The following MTDH variants were observed in gnomAD, a reference collection of about 807,000 sequenced individuals.
The protein encoded by MTDH is metadherin.
Under a neutral mutation model 72.7 loss-of-function variants are expected in MTDH, and 34 were observed. The ratio of observed to expected loss-of-function variants is 0.47; its 90% CI spans 0.36 to 0.62. The LOEUF (loss-of-function observed/expected upper bound fraction) is 0.62. Among genes scored for constraint, MTDH ranks in the 20% least tolerant of loss-of-function variants. The pLI, the probability that MTDH is intolerant of heterozygous loss-of-function variation, is 0.00. For synonymous variants in MTDH, 266 were observed against 268.9 expected, an observed-to-expected ratio of 0.99 and a Z score of 0.10; for missense variants, 677 against 699.4, an observed-to-expected ratio of 0.97 and a Z score of 0.36.
intron 1 of MTDH, among the ~76,000 whole-genome samples, chr8:97,657,270 G>C (rs1206807710): frequency 6.6e-6 from 1 of 152,134 alleles, no homozygotes; most frequent in Non-Finnish European, 1.5e-5. Flanking sequence ...TCATTTTTCT[G>C]TTACTGGTTG....
chr8:97,714,007 C>T (rs943177270), intron 9 of MTDH, among the ~76,000 whole-genome samples: 1 of 152,100 alleles, frequency 6.6e-6, no homozygotes, highest in African/African-American at 2.4e-5. Context: ...CCAAATTATT[C>T]ATGCATTTTT....
At chr8:97,712,976 A>G (rs1327201443) in intron 8 of MTDH, among the ~76,000 whole-genome samples, 1 of 152,106 alleles carries the variant, frequency 6.6e-6, no homozygotes, top group Non-Finnish European at 1.5e-5. Context: ...GTAGCTTGTT[A>G]TTTCATTCCT....
chr8:97,681,405 C>A (rs971204841), intron 2 of MTDH, among the ~76,000 whole-genome samples: 3 of 144,182 alleles, frequency 2.1e-5, no homozygotes, highest in African/African-American at 7.8e-5. Flanking sequence ...ATATCTGCAG[C>A]GGTTTTTTTT....
At chr8:97,664,479 AG>A (rs1812299718) in intron 2 of MTDH, among the ~76,000 whole-genome samples, 1 of 152,096 alleles carries the variant, frequency 6.6e-6, no homozygotes, top group African/African-American at 2.4e-5. Context: ...TTCAGTACAA[AG>A]TTTCTACCTT....
chr8:97,673,532 C>T (rs762297030), intron 2 of MTDH, among the ~76,000 whole-genome samples: 2 of 152,000 alleles, frequency 1.3e-5, no homozygotes, highest in African/African-American at 2.4e-5. Flanking sequence ...TGGTGGCTGG[C>T]GCCTGTAATC....
chr8:97,660,775 C>T (rs557807832), intron 1 of MTDH, among the ~76,000 whole-genome samples: 28 of 152,154 alleles, frequency 1.8e-4, no homozygotes, highest in Admixed American at 1.6e-3. Flanking sequence ...AAATTGCAAA[C>T]ACAGTTTTGT....
At chr8:97,645,743 T>C (rs1811540785) in intron 1 of MTDH, among the ~76,000 whole-genome samples, 1 of 152,258 alleles carries the variant, frequency 6.6e-6, no homozygotes, top group Non-Finnish European at 1.5e-5. Context: ...GTTTACATTC[T>C]TTATTGCCAT....
chr8:97,672,822 G>A (rs932386957), intron 2 of MTDH, among the ~76,000 whole-genome samples: 1 of 152,196 alleles, frequency 6.6e-6, no homozygotes, highest in Admixed American at 6.5e-5. Flanking sequence ...TAGATAAAAG[G>A]CGTTCTTAAG....
intron 1 of MTDH, 96 bp from the exon 2 acceptor site, chr8:97,660,976 G>T: frequency 1.2e-6 from 1 of 861,888 alleles, no homozygotes. Flanking sequence ...TACAGAGGTA[G>T]GATTTGATTG....
intron 1 of MTDH, among the ~76,000 whole-genome samples, chr8:97,647,627 G>T (rs1030812682): frequency 6.6e-6 from 1 of 152,164 alleles, no homozygotes; most frequent in African/African-American, 2.4e-5. Context: ...CTGTCAGCCT[G>T]GCAGGAATGG....
chr8:97,665,039 G>A (rs1323479104), intron 2 of MTDH, among the ~76,000 whole-genome samples: 1 of 152,204 alleles, frequency 6.6e-6, no homozygotes, highest in Non-Finnish European at 1.5e-5. Context: ...TGGGATTACA[G>A]GCGTGAGCCA....
At position 97,722,947 on chromosome 8, in the gene MTDH, C is replaced by T; in HGVS notation, c.1590C>T (p.Asp530=). ...TAATCTTATCAAAAAGTGATTCTGA[C>T]AAGAGCTCTTCCCAAGTGCCGCCAA... ...PSVILSKSDS[D]KSSSQVPPIL... Residue 530 remains aspartate, a synonymous_variant, in exon 11 of 12, where the codon GAC becomes GAT. Transcript: ENST00000336273. 6.2e-7 allele frequency: 1 copy of T among 1,614,104 alleles called. No homozygotes were observed. The highest frequency in any genetic ancestry group is 8.5e-7 in the Non-Finnish European group (1 of 1,179,968).
At chr8:97,645,713 C>G (rs1320069198) in intron 1 of MTDH, among the ~76,000 whole-genome samples, 1 of 152,228 alleles carries the variant, frequency 6.6e-6, no homozygotes, top group Non-Finnish European at 1.5e-5. Flanking sequence ...TCACGTCTGT[C>G]TTAGGCCTTC....
At chr8:97,672,578 C>T (rs1372641884) in intron 2 of MTDH, among the ~76,000 whole-genome samples, 2 of 152,212 alleles carry the variant, frequency 1.3e-5, no homozygotes, top group African/African-American at 4.8e-5. Flanking sequence ...TCTGTCTGAA[C>T]TGCAAATGGC....
chr8:97,707,874 G>A (rs1241447324), intron 8 of MTDH, among the ~76,000 whole-genome samples: 2 of 150,786 alleles, frequency 1.3e-5, no homozygotes, highest in East Asian at 3.9e-4. Context: ...AAAAAAAAAA[G>A]AAAAAGTTAA....
At chr8:97,663,090 C>T in intron 2 of MTDH, among the ~76,000 whole-genome samples, 1 of 152,088 alleles carries the variant, frequency 6.6e-6, no homozygotes, top group East Asian at 1.9e-4. Context: ...TTACACATCT[C>T]TGACCTAGTG....
intron 6 of MTDH, among the ~76,000 whole-genome samples, chr8:97,699,541 C>T (rs1814017441): frequency 6.6e-6 from 1 of 152,044 alleles, no homozygotes; most frequent in South Asian, 2.1e-4. Flanking sequence ...GATTTCTGAT[C>T]ATTGAATTAG....
At chr8:97,671,790 G>C (rs1812636533) in intron 2 of MTDH, among the ~76,000 whole-genome samples, 1 of 152,140 alleles carries the variant, frequency 6.6e-6, no homozygotes, top group African/African-American at 2.4e-5. Flanking sequence ...GTTGCAGTGA[G>C]CCGAGATCGT....
rs1815486916 is a variant in MTDH at position 97,729,691 on chromosome 8, C to T, written c.*5021C>T. On this transcript the variant is annotated 3_prime_UTR_variant, in exon 12 of 12. Coordinates refer to ENST00000336273, the MANE Select transcript of MTDH (RefSeq NM_178812.4). ...TTTTGTTTTTTTCTAGAGACAGAGT[C>T]TCGTTGCCCAGGCTGGTCTCCAATT... 6.6e-6 allele frequency among the ~76,000 whole-genome samples: 1 copy of T among 151,756 alleles called. No individual in the cohort carries two copies. Among genetic ancestry groups the T allele is most frequent in the African/African-American group, 2.4e-5 (1 of 41,274 alleles).
Sources: gnomAD v4.1 joint callset for allele counts (sites outside exome capture counted in the v4.1 genomes callset) on GRCh38, gnomAD v4.1.1 for gene constraint, MANE v1.5 for transcripts, NCBI Gene and HGNC (gene_info 2026-07-23, HGNC 2026-07-21) for gene names.